GLIS3: variants seen among roughly 807,000 people sequenced by gnomAD.
GLIS3 encodes zinc finger protein GLIS3.
A neutral mutation model predicts 78.6 loss-of-function variants in GLIS3; 53 were observed. That is an observed-to-expected ratio of 0.67 (90% CI 0.54 to 0.85). The LOEUF is 0.85. Among genes scored for constraint, GLIS3 ranks in the 40% least tolerant of loss-of-function variants. GLIS3 has a pLI of 0.00. For synonymous variants in GLIS3, 684 were observed against 509.9 expected, an observed-to-expected ratio of 1.34 and a Z score of -4.60; for missense variants, 1,703 against 1,231.1, an observed-to-expected ratio of 1.38 and a Z score of -5.74.
intron 2 of GLIS3, among the ~76,000 whole-genome samples, chr9:4,245,538 A>C (rs774293587): frequency 2.6e-5 from 4 of 152,250 alleles, no homozygotes; most frequent in Non-Finnish European, 5.9e-5. Flanking sequence ...AGAGCTATAT[A>C]AATGTAAGGA....
At chr9:4,260,929 T>C (rs1825470234) in intron 2 of GLIS3, among the ~76,000 whole-genome samples, 1 of 152,202 alleles carries the variant, frequency 6.6e-6, no homozygotes. Flanking sequence ...AACAGAAATG[T>C]GGCTACTTCA....
intron 2 of GLIS3, among the ~76,000 whole-genome samples, chr9:4,253,308 G>C (rs1359652535): frequency 1.3e-5 from 2 of 152,248 alleles, no homozygotes; most frequent in Admixed American, 1.3e-4. Flanking sequence ...GAGATACCCA[G>C]AGAGGGGGAA....
rs568150509 is a variant in GLIS3 at position 3,847,218 on chromosome 9, AAAAAAT to A, written c.2473+8785_2473+8790del. Among the ~76,000 whole-genome samples the A allele has an allele frequency of 2.0e-3, 308 of 152,200 alleles. 3 individuals carry two copies. Among genetic ancestry groups the A allele is most frequent in the African/African-American group, 6.9e-3 (286 of 41,560 alleles). On this transcript the variant is annotated intron_variant, in intron 9 of 10. Coordinates refer to ENST00000381971, the MANE Select transcript of GLIS3 (RefSeq NM_001042413.2). ...AAAATTAAATAAATACATAAATAAA[AAAAAAT>A]AAAATAAAGAGGGGGCAGAGAAACA... is the stretch of plus-strand genomic sequence containing the variant.
At chr9:4,054,339 C>A in intron 4 of GLIS3, 1 of 985,442 alleles carries the variant, frequency 1.0e-6, no homozygotes, top group Non-Finnish European at 1.2e-6. Context: ...AAGACCTCCA[C>A]CTTTCCAAGC....
intron 2 of GLIS3, among the ~76,000 whole-genome samples, chr9:4,209,568 C>A (rs551813382): frequency 1.3e-5 from 2 of 152,272 alleles, no homozygotes; most frequent in South Asian, 2.1e-4. Flanking sequence ...TCCTCTTGGA[C>A]TCTTAAAAAT....
At chr9:4,402,425 A>T in the GLIS3 span, among the ~76,000 whole-genome samples, 4 of 152,228 alleles carry the variant, frequency 2.6e-5, no homozygotes, top group African/African-American at 7.2e-5. Context: ...TGTGATGAAC[A>T]TCTACAAGCA....
At chr9:4,284,581 C>G (rs901839775) in intron 2 of GLIS3, among the ~76,000 whole-genome samples, 1 of 151,532 alleles carries the variant, frequency 6.6e-6, no homozygotes, top group Non-Finnish European at 1.5e-5. Flanking sequence ...TGACTCAAAA[C>G]TAATCTAGAC....
chr9:4,238,668 G>C (rs183914971), intron 2 of GLIS3, among the ~76,000 whole-genome samples: 1 of 152,118 alleles, frequency 6.6e-6, no homozygotes, highest in Non-Finnish European at 1.5e-5. Flanking sequence ...AATTTACTGA[G>C]CACATGTTCT....
chr9:4,312,941 A>G (rs1328556657), intron 2 of GLIS3, among the ~76,000 whole-genome samples: 3 of 152,226 alleles, frequency 2.0e-5, no homozygotes, highest in South Asian at 4.1e-4. Context: ...TTAGCCCCAC[A>G]TGCACACACT....
chr9:4,394,906 G>A, the GLIS3 span, among the ~76,000 whole-genome samples: 4 of 152,154 alleles, frequency 2.6e-5, no homozygotes, highest in African/African-American at 9.7e-5. Flanking sequence ...GCAATAGCTA[G>A]CACTATAATT....
At chr9:4,365,920 T>C in the GLIS3 span, among the ~76,000 whole-genome samples, 1 of 152,212 alleles carries the variant, frequency 6.6e-6, no homozygotes, top group African/African-American at 2.4e-5. Flanking sequence ...GTTCATGTAT[T>C]CACACTCTAG....
intron 4 of GLIS3, among the ~76,000 whole-genome samples, chr9:4,042,130 T>G (rs1206593609): frequency 6.7e-6 from 1 of 148,458 alleles, no homozygotes; most frequent in Non-Finnish European, 1.5e-5. Flanking sequence ...TGGGTTTTTG[T>G]TTTTTTTTTC....
the GLIS3 span, among the ~76,000 whole-genome samples, chr9:4,489,578 G>A: frequency 6.6e-6 from 1 of 152,116 alleles, no homozygotes; most frequent in Non-Finnish European, 1.5e-5. Context: ...AAAAATGGAA[G>A]AGCATCAGAA....
At chr9:4,176,743 C>T (rs1460342187) in intron 2 of GLIS3, among the ~76,000 whole-genome samples, 1 of 152,210 alleles carries the variant, frequency 6.6e-6, no homozygotes, top group Non-Finnish European at 1.5e-5. Context: ...CCTGACTCAA[C>T]CTCCTGAGTA....
At chr9:4,307,735 C>T (rs1403273297) in intron 4 of GLIS3, among the ~76,000 whole-genome samples, 1 of 152,090 alleles carries the variant, frequency 6.6e-6, no homozygotes. Context: ...CATAGAGAAA[C>T]TATGTTACCA....
the GLIS3 span, among the ~76,000 whole-genome samples, chr9:4,429,211 C>T: frequency 1.3e-5 from 2 of 152,104 alleles, no homozygotes; most frequent in Admixed American, 6.5e-5. Context: ...TTGCACCTAC[C>T]CCTCGCTGAA....
At chr9:4,424,744 A>C in the GLIS3 span, among the ~76,000 whole-genome samples, 7 of 151,760 alleles carry the variant, frequency 4.6e-5, no homozygotes, top group Non-Finnish European at 4.4e-5. Flanking sequence ...TTTTTATTTT[A>C]TTCATTGTAG....
chr9:4,194,927 C>A (rs762632985), intron 2 of GLIS3, among the ~76,000 whole-genome samples: 1 of 152,240 alleles, frequency 6.6e-6, no homozygotes, highest in Non-Finnish European at 1.5e-5. Context: ...AATCCAACTG[C>A]GTACAAAGTC....
intron 4 of GLIS3, among the ~76,000 whole-genome samples, chr9:4,107,752 T>TAA (rs34563848): frequency 3.9e-4 from 56 of 142,678 alleles, no homozygotes; most frequent in African/African-American, 4.9e-4. Context: ...ACAGGTTACC[T>TAA]AAAAAAAAAA....
Sources: gnomAD v4.1 joint callset for allele counts (sites outside exome capture counted in the v4.1 genomes callset) on GRCh38, gnomAD v4.1.1 for gene constraint, MANE v1.5 for transcripts, NCBI Gene and HGNC (gene_info 2026-07-23, HGNC 2026-07-21) for gene names.